The following MYO7B variants were observed in gnomAD, a reference collection of about 807,000 sequenced individuals.
MYO7B encodes myosin VIIB.
A neutral mutation model predicts 259.7 loss-of-function variants in MYO7B; 212 were observed. That is an observed-to-expected ratio of 0.82 (90% CI 0.73 to 0.91). The LOEUF (loss-of-function observed/expected upper bound fraction) is 0.91, where lower values mean the gene tolerates loss of function less well. Ranked by LOEUF, MYO7B falls within the 40% of genes least tolerant of loss-of-function variation. The pLI is 0.00. For missense variants in MYO7B, 2,732 were observed against 2,813.5 expected, an observed-to-expected ratio of 0.97 and a Z score of 0.66; for synonymous variants, 1,197 against 1,166.4, an observed-to-expected ratio of 1.03 and a Z score of -0.54.
In MYO7B at chr2:127,613,340, T is replaced by G. The variant is rs1274434769; in HGVS notation, c.3398+737T>G. ...CTTCAAATTTACTGATCTTTTGTCT[T>G]CCCTAGTCTGCTGTCATATCCATCC... On this transcript the variant is annotated intron_variant, in intron 26 of 47. Transcript: ENST00000409816. The surrounding 1 kb of genome is among the most constrained non-coding windows in gnomAD (Gnocchi z 4.3). Among the ~76,000 whole-genome samples, 2 of 152,220 alleles carry G rather than the reference T, an allele frequency of 1.3e-5. No homozygotes were observed. Among genetic ancestry groups the G allele is most frequent in the African/African-American group, 4.8e-5 (2 of 41,456 alleles).
At chr2:127,571,203 A>G (rs1678590031) in intron 6 of MYO7B, among the ~76,000 whole-genome samples, 1 of 152,164 alleles carries the variant, frequency 6.6e-6, no homozygotes, top group Non-Finnish European at 1.5e-5. Flanking sequence ...TCCCACCAGC[A>G]GAGCAGGAAC....
rs1394560996 is a variant in MYO7B, at chr2:127,576,536, C to T, written c.736-59C>T. ...GGGCTGGGCAGAGGCAGTCTGAGGC[C>T]CTGAGGCCTCAGGGGAATGGCTCAT... is the stretch of plus-strand genomic sequence containing the variant. On this transcript the variant is annotated intron_variant, in intron 7 of 47. Transcript: ENST00000409816. This position sits in a 1 kb window ranked among gnomAD's most constrained non-coding sequence, Gnocchi z 4.9. 3.5e-6 allele frequency: 4 copies of T among 1,135,432 alleles called. No individual in the cohort carries two copies. The highest frequency in any genetic ancestry group is 1.5e-5 in the African/African-American group (1 of 64,614). 70.3% of individuals were successfully genotyped at this position (1,135,432 alleles called of 1,614,324 possible).
rs572998129 is a variant in MYO7B, at chr2:127,590,480, T to C, written c.1992+251T>C. On this transcript the variant is annotated intron_variant, in intron 16 of 47. Coordinates refer to ENST00000409816, the MANE Select transcript of MYO7B (RefSeq NM_001393586.1). This position sits in a 1 kb window ranked among gnomAD's most constrained non-coding sequence, Gnocchi z 4.6. ...ATGCATCTTCTGTGCGTTCTTGGCC[T>C]GGCTCTTTGCTGCTGTGAGCCTCAG... is the stretch of plus-strand genomic sequence containing the variant. Among the ~76,000 whole-genome samples the C allele has an allele frequency of 3.9e-5, 6 of 152,384 alleles. No homozygotes were observed. Among genetic ancestry groups the C allele is most frequent in the African/African-American group, 1.4e-4 (6 of 41,598 alleles).
intron 1 of MYO7B, among the ~76,000 whole-genome samples, chr2:127,547,413 G>A (rs1175558354): frequency 6.6e-6 from 1 of 152,198 alleles, no homozygotes; most frequent in Non-Finnish European, 1.5e-5. Flanking sequence ...GCTTGTGTGT[G>A]TGCTCCAAAT....
At position 127,609,665 on chromosome 2, in the gene MYO7B, C is replaced by T. The variant is rs557693820; in HGVS notation, c.2974C>T (p.Arg992Trp). ...QKSASHTHIRRPLRYPLLYHE... is the reference protein window; with the variant it reads ...QKSASHTHIRWPLRYPLLYHE... ...ATCAGCCAGCCACACACACATCCGG[C>T]GGCCCCTCCGATACCCGTTGCTTTA... is the stretch of plus-strand genomic sequence containing the variant. Residue 992 changes from arginine to tryptophan, a missense_variant, in exon 23 of 48, where the codon CGG becomes TGG. Arg to Trp is a moderately radical substitution (Grantham distance 101, BLOSUM62 -3). This residue lies in a region of MYO7B where 1,906 missense variants were observed against 2,026.4 expected (regional missense o/e 0.94). Coordinates refer to ENST00000409816, the MANE Select transcript of MYO7B (RefSeq NM_001393586.1). The surrounding 1 kb of genome is among the most constrained non-coding windows in gnomAD (Gnocchi z 6.9). 3.8e-5 allele frequency: 62 copies of T among 1,613,962 alleles called. No homozygotes were observed. Among genetic ancestry groups the T allele is most frequent in the East Asian group, 1.1e-4 (5 of 44,880 alleles).
chr2:127,633,356 C>T lies in MYO7B; in HGVS notation c.5504C>T (p.Thr1835Ile), dbSNP rs1231462709. Residue 1835 changes from threonine to isoleucine, a missense_variant, in exon 40 of 48, where the codon ACC (threonine) becomes ATC (isoleucine). Transcript: ENST00000409816. ...ICHKIYFPNDTSEMLEVVANT... is the reference protein window; with the variant it reads ...ICHKIYFPNDISEMLEVVANT... ...CACAAGATCTACTTCCCCAATGACA[C>T]CAGTGAGGTGAGGCCCTGCTCTGGT... 2.5e-6 allele frequency: 4 copies of T among 1,612,802 alleles called. No individual in the cohort carries two copies. The highest frequency in any genetic ancestry group is 3.4e-6 in the Non-Finnish European group (4 of 1,179,628).
At chr2:127,537,046 G>T (rs2104776839) in intron 1 of MYO7B, among the ~76,000 whole-genome samples, 1 of 152,282 alleles carries the variant, frequency 6.6e-6, no homozygotes, top group South Asian at 2.1e-4. Flanking sequence ...TTATCTTAAA[G>T]ATCTTAATTG....
intron 1 of MYO7B, among the ~76,000 whole-genome samples, chr2:127,536,977 TA>T (rs1410409261): frequency 6.6e-6 from 1 of 152,208 alleles, no homozygotes; most frequent in East Asian, 1.9e-4. Flanking sequence ...AGGGATGACC[TA>T]TATGTGTTGA....
chr2:127,553,731 G>A lies in MYO7B; in HGVS notation c.-23-5969G>A, dbSNP rs181349786. ...GCAACAGTTTGACTTCCTCTTTACC[G>A]ATTTGGATGCCTGTTATTTCTTTCT... On this transcript the variant is annotated intron_variant, in intron 1 of 47. Transcript: ENST00000409816. Among the ~76,000 whole-genome samples the A allele has an allele frequency of 1.4e-3, 208 of 152,172 alleles. 3 individuals carry two copies. The South Asian group carries it at 0.016, about 12-fold the overall frequency.
rs147976331 is a variant in MYO7B at position 127,576,851 on chromosome 2, C to T, written c.849+143C>T. ...GGGGCTGGTTCCCTTTGCCTCTCCT[C>T]GCCAGCCCCTCTCTGCTGGGAATCA... On this transcript the variant is annotated intron_variant, in intron 8 of 47. Coordinates refer to ENST00000409816, the MANE Select transcript of MYO7B (RefSeq NM_001393586.1). The surrounding 1 kb of genome is among the most constrained non-coding windows in gnomAD (Gnocchi z 4.9). 5,102 of 574,644 alleles carry T rather than the reference C, an allele frequency of 8.9e-3. 134 individuals carry two copies. Among genetic ancestry groups the T allele is most frequent in the East Asian group, 0.055 (1,757 of 32,230 alleles). The allele number at this position is 574,644 out of a possible 1,614,324, so 35.6% of individuals were successfully genotyped here. A position where few individuals can be genotyped will look rare whatever the true frequency, so the allele number is the denominator to read the frequency against.
intron 1 of MYO7B, among the ~76,000 whole-genome samples, chr2:127,549,290 T>C (rs554809838): frequency 3.3e-5 from 5 of 152,314 alleles, no homozygotes; most frequent in African/African-American, 1.2e-4. Flanking sequence ...TCTCCAACAC[T>C]TTACTTTTAA....
rs1296841660 is a variant in MYO7B at position 127,593,546 on chromosome 2, C to A, written c.2146C>A (p.Leu716Met). The change falls in exon 18 of 48, where the codon CTG (leucine) becomes ATG (methionine). Residue 716 changes from leucine (L) to methionine (M), a missense_variant and splice_region_variant. By Grantham distance (15) the Leu-to-Met change is conservative. Transcript: ENST00000409816. ...VLLPNAMRMQLQGKLRQMTLG... is the reference protein window; with the variant it reads ...VLLPNAMRMQMQGKLRQMTLG... ...CGATACCCCCGTTTGGTCTTGGCAG[C>A]TGCAAGGCAAGCTCCGCCAGATGAC... 1 of 1,612,868 alleles carries A rather than the reference C, an allele frequency of 6.2e-7. No individual in the cohort carries two copies. Among genetic ancestry groups the A allele is most frequent in the Admixed American group, 1.7e-5 (1 of 59,950 alleles).
intron 14 of MYO7B, 90 bp from the exon 15 acceptor site, chr2:127,588,302 T>A: frequency 1.4e-6 from 2 of 1,458,086 alleles, no homozygotes. Flanking sequence ...CCTCCACGCA[T>A]CCTGTATTCC....
rs77118595 is a variant in MYO7B at position 127,564,258 on chromosome 2, G to A, written c.124G>A (p.Glu42Lys). 21 of 1,570,028 alleles carry A rather than the reference G, an allele frequency of 1.3e-5. No individual in the cohort carries two copies. Among genetic ancestry groups the A allele is most frequent in the Admixed American group, 3.8e-5 (2 of 52,778 alleles). ...KPGKVLVEDD[E>K]GKEHWIRAED... ...AGGCAAAGTCTTGGTTGAAGATGAC[G>A]AGGGCAAGGTCAGTGTTCTGGGGTT... The change falls in exon 3 of 48, where the codon GAG (glutamate) becomes AAG (lysine). Residue 42 changes from glutamate to lysine, a missense_variant. Coordinates refer to ENST00000409816, the MANE Select transcript of MYO7B (RefSeq NM_001393586.1).
intron 19 of MYO7B, among the ~76,000 whole-genome samples, chr2:127,604,098 A>G (rs1252892210): frequency 6.6e-6 from 1 of 152,184 alleles, no homozygotes; most frequent in Non-Finnish European, 1.5e-5. Flanking sequence ...ACGCCACTGC[A>G]CTCCAGCCTG....
At chr2:127,565,202 C>T (rs1054050952) in intron 3 of MYO7B, 31 bp from the exon 4 acceptor site, 5 of 1,597,728 alleles carry the variant, frequency 3.1e-6, no homozygotes, top group Non-Finnish European at 4.3e-6. Context: ...TGGAGGCCAC[C>T]CCTCAGGGGA....
intron 2 of MYO7B, among the ~76,000 whole-genome samples, chr2:127,560,214 G>C (rs1678018234): frequency 6.6e-6 from 1 of 151,936 alleles, no homozygotes; most frequent in Non-Finnish European, 1.5e-5. Flanking sequence ...TTTGTAGGGA[G>C]AGGGTTTTGC....
intron 26 of MYO7B, among the ~76,000 whole-genome samples, chr2:127,619,766 T>G (rs1444744360): frequency 6.6e-6 from 1 of 152,224 alleles, no homozygotes; most frequent in East Asian, 1.9e-4. Context: ...AATGGGCCAC[T>G]TTTATAACAT....
chr2:127,578,160 A>C lies in MYO7B; in HGVS notation c.877A>C (p.Asn293His). Residue 293 changes from asparagine (N) to histidine (H), a missense_variant, in exon 9 of 48, where the codon AAC (asparagine) becomes CAC (histidine). Physicochemically the swap from Asn to His is moderately conservative, Grantham distance 68 (BLOSUM62 1). Around this residue, in one of 3 missense-constraint regions of MYO7B, gnomAD observed 1,906 missense variants for 2,026.4 expected, o/e 0.94. Transcript: ENST00000409816. ...MGNCTSCEGL[N>H]DAKDYAHIRS... ...GAACTGCACTTCCTGTGAGGGGCTC[A>C]ACGACGCCAAGGACTACGCCCACAT... is the stretch of plus-strand genomic sequence containing the variant. The C allele has an allele frequency of 6.2e-7, 1 of 1,613,872 alleles. No homozygotes were observed. Among genetic ancestry groups the C allele is most frequent in the Non-Finnish European group, 8.5e-7 (1 of 1,179,862 alleles).
Sources: gnomAD v4.1 joint callset for allele counts (sites outside exome capture counted in the v4.1 genomes callset) on GRCh38, gnomAD v4.1.1 for gene constraint, gnomAD v4.1.1 regional missense constraint, Gnocchi (gnomAD v3.1) non-coding constraint, MANE v1.5 for transcripts, NCBI Gene and HGNC (gene_info 2026-07-23, HGNC 2026-07-21) for gene names.